CEP128: variants seen among roughly 807,000 people sequenced by gnomAD.
CEP128 encodes the protein centrosomal protein 128, also known as centrosomal protein 128kDa.
A neutral mutation model predicts 156.7 loss-of-function variants in CEP128; 132 were observed. The observed-to-expected ratio is 0.84, with a 90% confidence interval of 0.73 to 0.97. CEP128 has a LOEUF of 0.97. Ranked by LOEUF, CEP128 falls within the 50% of genes least tolerant of loss-of-function variation. The pLI is 0.00. For missense variants in CEP128, 1,252 were observed against 1,281.9 expected (o/e 0.98, Z 0.36); for synonymous variants, 469 against 448.9 (o/e 1.04, Z -0.57).
chr14:80,905,723 G>T, intron 5 of CEP128: 1 of 351,882 alleles, frequency 2.8e-6, no homozygotes, highest in Non-Finnish European at 5.1e-6. Context: ...GTTTTTGTCA[G>T]GTAAAGCTCT....
At chr14:80,870,776 C>T (rs917595471) in intron 8 of CEP128, among the ~76,000 whole-genome samples, 3 of 151,642 alleles carry the variant, frequency 2.0e-5, no homozygotes, top group Non-Finnish European at 4.4e-5. Context: ...AAATAAAAGG[C>T]ATCTAGATGA....
In CEP128 at chr14:80,482,450, CA is replaced by C. The variant is rs1887074267; in HGVS notation, c.*311-4044del. 5.9e-5 allele frequency among the ~76,000 whole-genome samples: 9 copies of C among 152,310 alleles called. No homozygotes were observed. In the South Asian group the frequency reaches 1.9e-3, roughly 32 times the overall value. On this transcript the variant is annotated intron_variant and NMD_transcript_variant, in intron 14 of 14. Transcript: ENST00000554502. Reference sequence around the variant, plus strand: ...TCATCAGTAACATGAAGTCCAAAGGCATACAGTTTCTTTCATTGTGCATGCA... The same window carrying C: ...TCATCAGTAACATGAAGTCCAAAGGCTACAGTTTCTTTCATTGTGCATGCA...
chr14:80,837,583 G>A (rs1886145781), intron 11 of CEP128, among the ~76,000 whole-genome samples: 1 of 152,142 alleles, frequency 6.6e-6, no homozygotes, highest in Admixed American at 6.5e-5. Flanking sequence ...CAGGTGTGGT[G>A]GCGCATGCCT....
chr14:80,755,056 G>A (rs1899585118), intron 18 of CEP128, among the ~76,000 whole-genome samples: 1 of 152,116 alleles, frequency 6.6e-6, no homozygotes, highest in Non-Finnish European at 1.5e-5. Flanking sequence ...GGCTGGGAAA[G>A]GCAGACTCAC....
chr14:80,653,226 C>A (rs549604710), intron 19 of CEP128, among the ~76,000 whole-genome samples: 1 of 152,102 alleles, frequency 6.6e-6, no homozygotes, highest in South Asian at 2.1e-4. Flanking sequence ...GGAGAAATAC[C>A]TAATGTAGAT....
intron 2 of CEP128, among the ~76,000 whole-genome samples, chr14:80,935,252 A>G (rs1457446253): frequency 1.3e-5 from 2 of 152,198 alleles, no homozygotes; most frequent in Non-Finnish European, 1.5e-5. Flanking sequence ...AAATAAGCTG[A>G]TAAGAATAAA....
intron 19 of CEP128, among the ~76,000 whole-genome samples, chr14:80,630,429 A>T (rs1364699740): frequency 6.6e-6 from 1 of 152,018 alleles, no homozygotes; most frequent in Non-Finnish European, 1.5e-5. Context: ...GTTTACACTT[A>T]GATGTGAGGT....
At chr14:80,546,747 C>A (rs972749223) in intron 21 of CEP128, among the ~76,000 whole-genome samples, 9 of 152,106 alleles carry the variant, frequency 5.9e-5, no homozygotes, top group African/African-American at 2.2e-4. Context: ...AAAAACATCA[C>A]AAAAGCTCCA....
intron 21 of CEP128, among the ~76,000 whole-genome samples, chr14:80,548,072 T>G (rs1240980168): frequency 6.6e-6 from 1 of 152,088 alleles, no homozygotes; most frequent in Admixed American, 6.6e-5. Flanking sequence ...AGTGCTGGGA[T>G]TACAGGTGTG....
chr14:80,918,503 T>C (rs189360162), intron 2 of CEP128, among the ~76,000 whole-genome samples: 105 of 152,308 alleles, frequency 6.9e-4, no homozygotes, highest in African/African-American at 2.3e-3. Flanking sequence ...CCCTAATTCA[T>C]AGAGGATGCT....
At chr14:80,492,013 A>G (rs1887341139), downstream of CEP128, among the ~76,000 whole-genome samples, 1 of 152,230 alleles carries the variant, frequency 6.6e-6, no homozygotes, top group Non-Finnish European at 1.5e-5. Flanking sequence ...AAACTAGCAT[A>G]ACCACTACCC....
intron 2 of CEP128, among the ~76,000 whole-genome samples, chr14:80,922,381 T>C (rs1485643319): frequency 1.3e-5 from 2 of 152,262 alleles, no homozygotes; most frequent in Non-Finnish European, 1.5e-5. Context: ...GAAACACTTA[T>C]CATGCCTTAT....
chr14:80,529,721 C>A (rs117863573), intron 22 of CEP128, among the ~76,000 whole-genome samples: 3 of 152,106 alleles, frequency 2.0e-5, no homozygotes, highest in Non-Finnish European at 4.4e-5. Context: ...ACAGAAATTG[C>A]ACTGTTTTGG....
intron 12 of CEP128, among the ~76,000 whole-genome samples, chr14:80,832,686 A>G (rs570570857): frequency 2.6e-5 from 4 of 152,290 alleles, no homozygotes; most frequent in African/African-American, 7.2e-5. Flanking sequence ...AGCAAAGGAG[A>G]AGGAGTTGGG....
rs781539716 is a variant in CEP128 at position 80,785,087 on chromosome 14, T to C, written c.2019A>G (p.Lys673=). The change falls in exon 15 of 25, where the codon AAA becomes AAG. Residue 673 remains lysine (K), a synonymous_variant. Coordinates refer to ENST00000555265, the MANE Select transcript of CEP128 (RefSeq NM_152446.5). ...TTGTAGCTGTTTCTTCATCCCTGGA[T>C]TTTGCCTGTGCAGTGAGGTCAGAAA... ...KDLSDLTAQA[K]SRDEETATII... 1 of 1,614,212 alleles carries C rather than the reference T, an allele frequency of 6.2e-7. No homozygotes were observed. The highest frequency in any genetic ancestry group is 1.1e-5 in the South Asian group (1 of 91,076).
At chr14:80,894,460 TGAAG>T in intron 8 of CEP128, 4 of 357,988 alleles carry the variant, frequency 1.1e-5, no homozygotes, top group Admixed American at 8.5e-5. Flanking sequence ...GTCCTTTTTT[TGAAG>T]TATGTGATGT....
chr14:80,623,028 T>G, intron 19 of CEP128, among the ~76,000 whole-genome samples: 1 of 152,208 alleles, frequency 6.6e-6, no homozygotes, highest in Admixed American at 6.5e-5. Context: ...ATTGCAGCAC[T>G]ATTCAAAATA....
At chr14:80,877,085 CTGGAAAGA>C (rs1356781860) in intron 8 of CEP128, among the ~76,000 whole-genome samples, 1 of 151,970 alleles carries the variant, frequency 6.6e-6, no homozygotes, top group Non-Finnish European at 1.5e-5. Context: ...TTTGCATTTT[CTGGAAAGA>C]GCTAAAAGAA....
chr14:80,956,269 C>A (rs1467087339), intron 2 of CEP128, among the ~76,000 whole-genome samples: 1 of 152,028 alleles, frequency 6.6e-6, no homozygotes, highest in East Asian at 1.9e-4. Flanking sequence ...CTTTTTGTTT[C>A]TCTAGATGGG....
Sources: gnomAD v4.1 joint callset for allele counts (sites outside exome capture counted in the v4.1 genomes callset) on GRCh38, gnomAD v4.1.1 for gene constraint, MANE v1.5 for transcripts, NCBI Gene and HGNC (gene_info 2026-07-23, HGNC 2026-07-21) for gene names.